PRKCH: variants seen among roughly 807,000 people sequenced by gnomAD.
PRKCH encodes the protein protein kinase C eta type.
In PRKCH, 28 loss-of-function variants were observed where a neutral mutation model predicts 82.5. The observed-to-expected ratio is 0.34, with a 90% CI of 0.25 to 0.47. PRKCH has a LOEUF of 0.47. PRKCH is among the 20% of genes least tolerant of loss of function. The pLI, the probability that PRKCH is intolerant of heterozygous loss-of-function variation, is 1.00. For missense variants in PRKCH, 705 were observed against 881.8 expected (o/e 0.80, Z 2.54); for synonymous variants, 322 against 327.4 (o/e 0.98, Z 0.18).
intron 6 of PRKCH, among the ~76,000 whole-genome samples, chr14:61,452,387 G>C (rs1235586512): frequency 6.6e-6 from 1 of 152,148 alleles, no homozygotes; most frequent in Non-Finnish European, 1.5e-5. Context: ...GTGCTTCCAA[G>C]ATGGACTGAC....
intron 2 of PRKCH, among the ~76,000 whole-genome samples, chr14:61,396,871 C>T (rs987009127): frequency 6.6e-6 from 1 of 152,120 alleles, no homozygotes; most frequent in African/African-American, 2.4e-5. Context: ...TTGTTGGTTA[C>T]ACCAGAATAA....
upstream of PRKCH, among the ~76,000 whole-genome samples, chr14:61,320,455 C>T (rs919800766): frequency 6.6e-6 from 1 of 152,078 alleles, no homozygotes; most frequent in Non-Finnish European, 1.5e-5. Flanking sequence ...CAAAATTAGC[C>T]GGGCGTGGTG....
At chr14:61,413,741 C>G (rs551668065) in intron 2 of PRKCH, among the ~76,000 whole-genome samples, 1 of 152,062 alleles carries the variant, frequency 6.6e-6, no homozygotes, top group African/African-American at 2.4e-5. Flanking sequence ...TTTTTTTCAT[C>G]CGGATATGTT....
At position 61,457,318 on chromosome 14, in the gene PRKCH, A is replaced by G; in HGVS notation, c.1103A>G (p.Lys368Arg). ...GTGTTGGGGAAGGGGAGTTTTGGGA[A>G]GGTGAGTCTTGGCTTTAACTGTTTG... is the stretch of plus-strand genomic sequence containing the variant. ...IRVLGKGSFG[K>R]VMLARVKETG... Residue 368 changes from lysine to arginine, a missense_variant and splice_region_variant, in exon 8 of 14, where the codon AAG (lysine) becomes AGG (arginine). By Grantham distance (26) the Lys-to-Arg change is conservative (BLOSUM62 2). This residue lies in a region of PRKCH where 238 missense variants were observed against 258.1 expected (regional missense o/e 0.92). Transcript: ENST00000332981. The G allele has an allele frequency of 6.2e-7, 1 of 1,614,024 alleles. No individual in the cohort carries two copies. Among genetic ancestry groups the G allele is most frequent in the Non-Finnish European group, 8.5e-7 (1 of 1,179,930 alleles).
chr14:61,468,946 C>A (rs1040406926), intron 9 of PRKCH, among the ~76,000 whole-genome samples: 2 of 152,166 alleles, frequency 1.3e-5, no homozygotes, highest in Non-Finnish European at 2.9e-5. Flanking sequence ...GTTATAGATA[C>A]TCTGGCTTCA....
At chr14:61,247,770 A>G (rs1006839387) in intron 1 of PRKCH, among the ~76,000 whole-genome samples, 2 of 151,464 alleles carry the variant, frequency 1.3e-5, no homozygotes, top group Admixed American at 1.3e-4. Flanking sequence ...AAAGAAAGAA[A>G]GGAATTGAAC....
chr14:61,535,863 A>G (rs2043101238), intron 12 of PRKCH, among the ~76,000 whole-genome samples: 1 of 152,248 alleles, frequency 6.6e-6, no homozygotes, highest in Non-Finnish European at 1.5e-5. Context: ...GGCATGTGTC[A>G]GTAACCATCA....
chr14:61,523,452 G>A (rs2042929795), intron 10 of PRKCH, among the ~76,000 whole-genome samples: 2 of 152,240 alleles, frequency 1.3e-5, no homozygotes, highest in South Asian at 4.2e-4. Context: ...ATTGGGCCTG[G>A]TGTAGTAAGT....
intron 1 of PRKCH, among the ~76,000 whole-genome samples, chr14:61,363,888 G>A (rs2046262832): frequency 6.7e-6 from 1 of 150,094 alleles, no homozygotes; most frequent in South Asian, 2.1e-4. Flanking sequence ...CTGGGGCAGG[G>A]GACAGTTTTA....
chr14:61,344,086 T>C (rs1002770286), intron 1 of PRKCH, among the ~76,000 whole-genome samples: 21 of 152,306 alleles, frequency 1.4e-4, no homozygotes, highest in African/African-American at 4.1e-4. Flanking sequence ...GGACACAGCT[T>C]GCTTGTGTGC....
intron 10 of PRKCH, among the ~76,000 whole-genome samples, chr14:61,520,354 A>G (rs964737674): frequency 7.9e-5 from 12 of 152,200 alleles, no homozygotes; most frequent in African/African-American, 2.9e-4. Context: ...AGAATATTGA[A>G]AATATAATTT....
At chr14:61,239,478 G>A (rs2044817223) in intron 1 of PRKCH, among the ~76,000 whole-genome samples, 2 of 152,206 alleles carry the variant, frequency 1.3e-5, no homozygotes, top group African/African-American at 4.8e-5. Flanking sequence ...TGATGTAACT[G>A]CTTCGAGGTA....
intron 1 of PRKCH, among the ~76,000 whole-genome samples, chr14:61,267,960 G>A (rs1335497017): frequency 6.6e-6 from 1 of 152,076 alleles, no homozygotes; most frequent in Non-Finnish European, 1.5e-5. Flanking sequence ...TACGTATCAT[G>A]CTTCTGCTGA....
At chr14:61,292,515 C>T (rs980509486) in intron 1 of PRKCH, among the ~76,000 whole-genome samples, 1 of 151,572 alleles carries the variant, frequency 6.6e-6, no homozygotes, top group Non-Finnish European at 1.5e-5. Flanking sequence ...TGGCTCACAC[C>T]TGTAATCCCA....
chr14:61,237,468 AAG>A (rs1491402715), intron 1 of PRKCH, among the ~76,000 whole-genome samples: 3 of 152,216 alleles, frequency 2.0e-5, no homozygotes, highest in Non-Finnish European at 4.4e-5. Context: ...AGAATTAACT[AAG>A]AGTCTGACAG....
intron 2 of PRKCH, among the ~76,000 whole-genome samples, chr14:61,431,341 C>A (rs1388518536): frequency 1.3e-5 from 2 of 152,208 alleles, no homozygotes; most frequent in Non-Finnish European, 2.9e-5. Context: ...GTGTAAAAAT[C>A]CCAAGTCAAG....
chr14:61,461,552 C>T (rs1050653293), intron 9 of PRKCH, among the ~76,000 whole-genome samples: 5 of 152,188 alleles, frequency 3.3e-5, no homozygotes, highest in African/African-American at 1.2e-4. Flanking sequence ...AGGTGGTAAC[C>T]TTTGAGTCAA....
intron 9 of PRKCH, among the ~76,000 whole-genome samples, chr14:61,458,607 A>G (rs1007095348): frequency 3.3e-5 from 5 of 152,136 alleles, no homozygotes; most frequent in African/African-American, 1.2e-4. Context: ...ACAAAGAACT[A>G]CCTGAGACGG....
intron 1 of PRKCH, among the ~76,000 whole-genome samples, chr14:61,286,939 A>G (rs112049161): frequency 0.055 from 7,998 of 145,926 alleles, 370 homozygotes; most frequent in African/African-American, 0.13. Context: ...GGTGCAATGG[A>G]TCACACCCAT....
Sources: allele counts gnomAD v4.1 joint callset (sites outside exome capture counted in the v4.1 genomes callset), GRCh38; gene constraint gnomAD v4.1.1; regional missense constraint gnomAD v4.1.1; transcripts MANE v1.5; gene names NCBI Gene and HGNC (gene_info 2026-07-23, HGNC 2026-07-21).